Variants in LRBA observed in about 807,000 individuals in gnomAD.
LRBA encodes LPS responsive beige-like anchor protein, also known as lipopolysaccharide-responsive and beige-like anchor protein.
Under a neutral mutation model 330.0 loss-of-function variants are expected in LRBA, and 176 were observed. The ratio of observed to expected loss-of-function variants is 0.53; its 90% CI spans 0.47 to 0.60. The LOEUF (loss-of-function observed/expected upper bound fraction) is 0.60, where lower values mean the gene tolerates loss of function less well. Ranked by LOEUF, LRBA falls within the 20% of genes least tolerant of loss-of-function variation. The pLI is 0.00. For missense variants in LRBA, 3,259 were observed against 3,444.8 expected, an observed-to-expected ratio of 0.95 and a Z score of 1.35; for synonymous variants, 1,230 against 1,193.0, an observed-to-expected ratio of 1.03 and a Z score of -0.64.
chr4:150,541,105 A>T (rs1765273421), intron 40 of LRBA, among the ~76,000 whole-genome samples: 5 of 152,212 alleles, frequency 3.3e-5, no homozygotes, highest in African/African-American at 1.2e-4. Flanking sequence ...TTAGCCAGTT[A>T]CTGGATTTAG....
intron 41 of LRBA, among the ~76,000 whole-genome samples, chr4:150,489,617 AT>A (rs1758615645): frequency 9.1e-6 from 1 of 110,432 alleles, no homozygotes; most frequent in Non-Finnish European, 1.8e-5. Flanking sequence ...TATATAATAT[AT>A]AAGAATATAT....
At chr4:150,448,493 A>G (rs1456743943) in intron 44 of LRBA, among the ~76,000 whole-genome samples, 1 of 152,110 alleles carries the variant, frequency 6.6e-6, no homozygotes, top group Non-Finnish European at 1.5e-5. Flanking sequence ...AGGAAGAGGT[A>G]GTCAACATAA....
chr4:150,886,350 G>A (rs181320612), intron 17 of LRBA, among the ~76,000 whole-genome samples: 2 of 152,244 alleles, frequency 1.3e-5, no homozygotes, highest in East Asian at 3.9e-4. Flanking sequence ...AGAAGTGTGG[G>A]GAAGAATCCT....
At chr4:150,569,476 C>T (rs543467982) in intron 40 of LRBA, among the ~76,000 whole-genome samples, 75 of 152,210 alleles carry the variant, frequency 4.9e-4, no homozygotes, top group African/African-American at 1.8e-3. Flanking sequence ...ATGATTTGTT[C>T]AGCTTGCGTA....
chr4:150,491,466 G>T (rs965182646), intron 40 of LRBA, among the ~76,000 whole-genome samples: 4 of 152,030 alleles, frequency 2.6e-5, no homozygotes, highest in African/African-American at 9.6e-5. Flanking sequence ...GCCCAATAAT[G>T]CTTTTACATA....
At chr4:150,377,878 T>C (rs1741592672) in intron 47 of LRBA, among the ~76,000 whole-genome samples, 1 of 151,402 alleles carries the variant, frequency 6.6e-6, no homozygotes, top group South Asian at 2.1e-4. Context: ...TCCCAGCTAC[T>C]TGGGAGGCTG....
At chr4:151,011,113 G>A (rs1208220264) in intron 2 of LRBA, among the ~76,000 whole-genome samples, 2 of 149,948 alleles carry the variant, frequency 1.3e-5, no homozygotes, top group Admixed American at 1.3e-4. Context: ...CATGAACCCA[G>A]GAGGCGGAGC....
intron 2 of LRBA, among the ~76,000 whole-genome samples, chr4:151,010,374 T>C (rs1744682079): frequency 6.6e-6 from 1 of 152,150 alleles, no homozygotes; most frequent in Non-Finnish European, 1.5e-5. Context: ...AAAATACAGA[T>C]GAAAACAAAA....
At chr4:150,629,637 G>T (rs1777183169) in intron 37 of LRBA, among the ~76,000 whole-genome samples, 1 of 151,124 alleles carries the variant, frequency 6.6e-6, no homozygotes, top group South Asian at 2.1e-4. Flanking sequence ...GCAAGACCCT[G>T]TGTAAACAAA....
Position 150,928,718 on chromosome 4 carries a change from G to A in LRBA, c.449-102C>T, listed in dbSNP as rs1296035302. On this transcript the variant is annotated intron_variant, in intron 3 of 56. Transcript: ENST00000651943. ...AAGGGCTTGGACACTAAAGTTCTAG[G>A]TGCATGCTACATGCTCAAATATTTC... 4.8e-6 allele frequency: 6 copies of A among 1,243,390 alleles called. No homozygotes were observed. The African/African-American group carries it at 7.6e-5, about 16-fold the overall frequency. 77.0% of individuals were successfully genotyped at this position (1,243,390 alleles called of 1,614,324 possible).
rs540589938 is a variant in LRBA at position 150,341,373 on chromosome 4, G to A, written c.7362+8619C>T. ...TTTAGGAACAGGGTCTCACTATGTTGCCCAGGCTGGTCTTGAACTCCTGCC... is the reference window on the plus strand; with the variant it reads ...TTTAGGAACAGGGTCTCACTATGTTACCCAGGCTGGTCTTGAACTCCTGCC... On this transcript the variant is annotated intron_variant, in intron 48 of 56. Transcript: ENST00000651943. 5.9e-5 allele frequency among the ~76,000 whole-genome samples: 9 copies of A among 152,106 alleles called. No homozygotes were observed. The East Asian group carries it at 1.7e-3, about 29-fold the overall frequency.
intron 37 of LRBA, among the ~76,000 whole-genome samples, chr4:150,623,678 T>C (rs1776536122): frequency 6.6e-6 from 1 of 151,966 alleles, no homozygotes; most frequent in Non-Finnish European, 1.5e-5. Context: ...ACATAATAAT[T>C]GAATATTTTA....
chr4:150,831,031 C>T (rs1747099320), intron 29 of LRBA, among the ~76,000 whole-genome samples: 1 of 152,022 alleles, frequency 6.6e-6, no homozygotes. Flanking sequence ...TCCCAAAGTG[C>T]TGGGATTACT....
At chr4:150,412,938 TA>T in intron 47 of LRBA, among the ~76,000 whole-genome samples, 1 of 151,668 alleles carries the variant, frequency 6.6e-6, no homozygotes, top group Non-Finnish European at 1.5e-5. Context: ...AAAGGCTAGT[TA>T]AAAAATATTT....
At chr4:150,611,919 C>G (rs1421435763) in intron 37 of LRBA, among the ~76,000 whole-genome samples, 1 of 152,068 alleles carries the variant, frequency 6.6e-6, no homozygotes, top group African/African-American at 2.4e-5. Flanking sequence ...TTCTCTCTCT[C>G]TAAGACAAGG....
At chr4:150,607,896 A>G (rs1455266834) in intron 37 of LRBA, among the ~76,000 whole-genome samples, 1 of 152,102 alleles carries the variant, frequency 6.6e-6, no homozygotes, top group Non-Finnish European at 1.5e-5. Flanking sequence ...TTATCCAGGC[A>G]TGGTGGCATG....
intron 53 of LRBA, among the ~76,000 whole-genome samples, chr4:150,293,467 G>GA (rs1361597100): frequency 1.3e-5 from 2 of 152,080 alleles, no homozygotes; most frequent in African/African-American, 4.8e-5. Flanking sequence ...TCTCTTTGGT[G>GA]AAAAATCACA....
At chr4:150,915,800 A>T (rs1732522211) in intron 7 of LRBA, 73 bp from the exon 8 acceptor site, 1 of 1,142,304 alleles carries the variant, frequency 8.8e-7, no homozygotes, top group Non-Finnish European at 1.2e-6. Context: ...CTGATGAGTA[A>T]AAGTTAAATG....
chr4:150,323,476 A>C (rs537723215), intron 49 of LRBA, among the ~76,000 whole-genome samples: 4 of 152,288 alleles, frequency 2.6e-5, no homozygotes, highest in South Asian at 4.1e-4. Flanking sequence ...AAAAAACACA[A>C]AAAAAATCTC....
Sources: allele counts gnomAD v4.1 joint callset (sites outside exome capture counted in the v4.1 genomes callset), GRCh38; gene constraint gnomAD v4.1.1; transcripts MANE v1.5; gene names NCBI Gene and HGNC (gene_info 2026-07-23, HGNC 2026-07-21).